CSMD2: variants seen among roughly 807,000 people sequenced by gnomAD.
CSMD2 encodes CUB and sushi domain-containing protein 2.
Under a neutral mutation model 398.5 loss-of-function variants are expected in CSMD2, and 130 were observed. The observed-to-expected ratio is 0.33, with a 90% confidence interval of 0.28 to 0.38. The LOEUF (loss-of-function observed/expected upper bound fraction) is 0.38. CSMD2 is among the 10% of genes least tolerant of loss of function. CSMD2 has a pLI of 1.00. For synonymous variants in CSMD2, 1,828 were observed against 1,908.5 expected (o/e 0.96, Z 1.10); for missense variants, 3,829 against 4,764.9 (o/e 0.80, Z 5.78).
intron 5 of CSMD2, among the ~76,000 whole-genome samples, chr1:33,912,313 G>A (rs559684406): frequency 6.6e-6 from 1 of 152,192 alleles, no homozygotes; most frequent in African/African-American, 2.4e-5. Context: ...AACCCACAGA[G>A]TCACAGCCAA....
intron 3 of CSMD2, among the ~76,000 whole-genome samples, chr1:33,991,133 G>A (rs773089789): frequency 3.3e-5 from 5 of 151,736 alleles, no homozygotes; most frequent in Non-Finnish European, 7.4e-5. Context: ...ATCCTCCCAA[G>A]TAGCTAGGAC....
chr1:33,952,675 T>TACACAC (rs71740719), intron 3 of CSMD2, among the ~76,000 whole-genome samples: 511 of 148,716 alleles, frequency 3.4e-3, no homozygotes, highest in Non-Finnish European at 5.5e-3. Context: ...TTTTGTTGTT[T>TACACAC]ACACACACAC....
chr1:33,861,093 T>G (rs1639462311), intron 5 of CSMD2: 1 of 152,206 alleles, frequency 6.6e-6, no homozygotes, highest in South Asian at 2.1e-4. Flanking sequence ...CTGAATGGAA[T>G]GAGGTACATA....
chr1:33,719,597 G>A (rs368732988), intron 19 of CSMD2, among the ~76,000 whole-genome samples: 5 of 152,164 alleles, frequency 3.3e-5, no homozygotes, highest in Admixed American at 6.5e-5. Flanking sequence ...AAGCAAAATC[G>A]TACCAATGAC....
chr1:34,083,195 T>C (rs1350970963), intron 2 of CSMD2, among the ~76,000 whole-genome samples: 2 of 151,736 alleles, frequency 1.3e-5, no homozygotes, highest in Non-Finnish European at 2.9e-5. Context: ...GAAGAATGTG[T>C]GGTTAGATCA....
intron 53 of CSMD2, among the ~76,000 whole-genome samples, chr1:33,563,472 C>G (rs1008553389): frequency 4.6e-5 from 7 of 152,072 alleles, no homozygotes; most frequent in African/African-American, 1.2e-4. Context: ...AAGCTATTTT[C>G]TGATGGCTTC....
chr1:33,772,631 C>G lies in CSMD2; in HGVS notation c.1784G>C (p.Gly595Ala). The change falls in exon 13 of 71, where the codon GGA (glycine) becomes GCA (alanine). Residue 595 changes from glycine (G) to alanine (A), a missense_variant. Gly to Ala is a moderately conservative substitution (Grantham distance 60). This residue lies in a region of CSMD2 where 2,001 missense variants were observed against 2,567.1 expected (regional missense o/e 0.78). Coordinates refer to ENST00000373381, the MANE Select transcript of CSMD2 (RefSeq NM_001281956.2). ...FECQPAFELV[G>A]QKAITCQKNN... ...CTTTTGGCATGTGATTGCCTTCTGT[C>G]CCACCAGCTCAAAGGCGGGCTGGCA... The G allele has an allele frequency of 1.2e-6, 2 of 1,614,110 alleles. No homozygotes were observed. The highest frequency in any genetic ancestry group is 1.7e-6 in the Non-Finnish European group (2 of 1,179,998).
intron 3 of CSMD2, among the ~76,000 whole-genome samples, chr1:33,956,041 G>A (rs1026995760): frequency 2.6e-5 from 4 of 152,126 alleles, no homozygotes; most frequent in African/African-American, 9.7e-5. Context: ...CACCAGATCT[G>A]AGTTCAAACC....
intron 15 of CSMD2, among the ~76,000 whole-genome samples, chr1:33,728,451 C>T (rs1315434171): frequency 5.3e-5 from 8 of 151,836 alleles, no homozygotes; most frequent in African/African-American, 2.4e-5. Context: ...GGGTAGTAGT[C>T]GTCAACTCTT....
chr1:33,803,321 G>A (rs12138070), intron 10 of CSMD2, among the ~76,000 whole-genome samples: 1 of 152,162 alleles, frequency 6.6e-6, no homozygotes, highest in African/African-American at 2.4e-5. Context: ...CACGTGCTGA[G>A]ATAACACCCA....
chr1:33,860,476 A>G (rs1336176105), intron 5 of CSMD2: 1 of 152,188 alleles, frequency 6.6e-6, no homozygotes, highest in Non-Finnish European at 1.5e-5. Flanking sequence ...ACTTGGTTAA[A>G]GTGGTGTCTG....
chr1:33,743,288 G>C lies in CSMD2; in HGVS notation c.2165C>G (p.Thr722Ser). The change falls in exon 14 of 71, where the codon ACT (threonine) becomes AGT (serine). Residue 722 changes from threonine (T) to serine (S), a missense_variant. Physicochemically the swap from Thr to Ser is moderately conservative, Grantham distance 58. This residue lies in a region of CSMD2 where 2,001 missense variants were observed against 2,567.1 expected (regional missense o/e 0.78). Coordinates refer to ENST00000373381, the MANE Select transcript of CSMD2 (RefSeq NM_001281956.2). ...ACAGAGGGAGGACTCACTGGTAAAA[G>C]TGATGTTGAAGCCCCTCTTCCCTGT... is the stretch of plus-strand genomic sequence containing the variant. ...HSTGKRGFNI[T>S]FTTFRHNECP... is the part of the protein sequence containing the mutation. 3 of 1,601,388 alleles carry C rather than the reference G, an allele frequency of 1.9e-6. No homozygotes were observed. The highest frequency in any genetic ancestry group is 2.6e-6 in the Non-Finnish European group (3 of 1,171,972).
chr1:33,708,187 T>C (rs1424465426), intron 22 of CSMD2, among the ~76,000 whole-genome samples: 1 of 152,240 alleles, frequency 6.6e-6, no homozygotes, highest in Non-Finnish European at 1.5e-5. Context: ...TCCCTCTCTA[T>C]GACCTTCTCT....
chr1:33,734,288 G>A (rs1330247697), intron 15 of CSMD2, among the ~76,000 whole-genome samples: 1 of 152,142 alleles, frequency 6.6e-6, no homozygotes. Context: ...GTGGGACTGG[G>A]AAATGAGCAT....
rs144668324 is a variant in CSMD2, at chr1:33,667,961, T to TA, written c.4053-4870dup. Among the ~76,000 whole-genome samples, 1,014 of 152,176 alleles carry TA rather than the reference T, an allele frequency of 6.7e-3. 15 individuals carry two copies. Among genetic ancestry groups the TA allele is most frequent in the African/African-American group, 0.023 (941 of 41,514 alleles). ...AATAACCCCCCAGACACAAACTCACTAAAAAATTATCAGCTGTGTCTAGCA... is the reference window on the plus strand; with the variant it reads ...AATAACCCCCCAGACACAAACTCACTAAAAAAATTATCAGCTGTGTCTAGCA... On this transcript the variant is annotated intron_variant, in intron 25 of 70. Transcript: ENST00000373381.
At position 33,605,425 on chromosome 1, in the gene CSMD2, C is replaced by G. The variant is rs777207927; in HGVS notation, c.6389G>C (p.Gly2130Ala). 8 of 1,614,196 alleles carry G rather than the reference C, an allele frequency of 5.0e-6. No individual in the cohort carries two copies. In the East Asian group the frequency reaches 1.3e-4, roughly 27 times the overall value. The change falls in exon 42 of 71, where the codon GGC becomes GCC. Residue 2130 changes from glycine to alanine, a missense_variant. Gly to Ala is a moderately conservative substitution (Grantham distance 60). This residue lies in a region of CSMD2 where 2,001 missense variants were observed against 2,567.1 expected (regional missense o/e 0.78). Transcript: ENST00000373381. ...GTTGTAGCCAGCTCCCCTCACAATG[C>G]CATTGGCAAAGGGCTCTGGGTCTGG... ...ECPDPEPFAN[G>A]IVRGAGYNVG...
intron 3 of CSMD2, among the ~76,000 whole-genome samples, chr1:33,982,881 A>G (rs979916749): frequency 6.6e-6 from 1 of 152,228 alleles, no homozygotes; most frequent in Non-Finnish European, 1.5e-5. Flanking sequence ...CATTTGGACC[A>G]GACCCTAGGA....
intron 2 of CSMD2, among the ~76,000 whole-genome samples, chr1:34,057,994 T>G (rs1393600203): frequency 6.6e-6 from 1 of 152,120 alleles, no homozygotes; most frequent in Non-Finnish European, 1.5e-5. Flanking sequence ...TGGCTTCTCC[T>G]GGCCTGAAAG....
At chr1:33,557,141 CTTT>C (rs1257944369) in intron 55 of CSMD2, among the ~76,000 whole-genome samples, 1 of 152,176 alleles carries the variant, frequency 6.6e-6, no homozygotes, top group Non-Finnish European at 1.5e-5. Flanking sequence ...TATGCTGGGA[CTTT>C]TAATAGATTT....
Sources: gnomAD v4.1 joint callset for allele counts (sites outside exome capture counted in the v4.1 genomes callset) on GRCh38, gnomAD v4.1.1 for gene constraint, gnomAD v4.1.1 regional missense constraint, MANE v1.5 for transcripts, NCBI Gene and HGNC (gene_info 2026-07-23, HGNC 2026-07-21) for gene names.